Variants in MYBPC2 observed in about 807,000 individuals in gnomAD.
The protein encoded by MYBPC2 is myosin-binding protein C, fast-type.
Under a neutral mutation model 137.0 loss-of-function variants are expected in MYBPC2, and 122 were observed. That is an observed-to-expected ratio of 0.89 (90% CI 0.77 to 1.03). The LOEUF (loss-of-function observed/expected upper bound fraction) is 1.03, where lower values mean the gene tolerates loss of function less well. Ranked by LOEUF, MYBPC2 falls within the 50% of genes least tolerant of loss-of-function variation. MYBPC2 has a pLI of 0.00. For synonymous variants in MYBPC2, 626 were observed against 612.3 expected, an observed-to-expected ratio of 1.02 and a Z score of -0.33; for missense variants, 1,500 against 1,534.4, an observed-to-expected ratio of 0.98 and a Z score of 0.37.
intron 9 of MYBPC2, among the ~76,000 whole-genome samples, chr19:50,443,177 AGCTGGGTAT>A (rs2122587273): frequency 6.6e-6 from 1 of 152,214 alleles, no homozygotes; most frequent in African/African-American, 2.4e-5. Flanking sequence ...AAAAAAAATT[AGCTGGGTAT>A]GGTGGTGTGC....
chr19:50,449,262 C>G (rs116747830), intron 13 of MYBPC2, among the ~76,000 whole-genome samples: 2,020 of 152,242 alleles, frequency 0.013, 40 homozygotes, highest in African/African-American at 0.046. Flanking sequence ...TCCAGGATGG[C>G]CTCGTTCTTA....
chr19:50,449,182 C>CTAAA lies in MYBPC2; in HGVS notation c.1472+810_1472+813dup, dbSNP rs201130481. Reference sequence around the variant, plus strand: ...TGGGCAACATAGTGAGACACTCTCTCTAAATAAATAAATAAATAAATTAGG... The same window carrying CTAAA: ...TGGGCAACATAGTGAGACACTCTCTCTAAATAAATAAATAAATAAATAAATTAGG... On this transcript the variant is annotated intron_variant, in intron 13 of 27. Coordinates refer to ENST00000357701, the MANE Select transcript of MYBPC2 (RefSeq NM_004533.4). 4.7e-3 allele frequency among the ~76,000 whole-genome samples: 715 copies of CTAAA among 152,174 alleles called. 5 individuals are homozygous for CTAAA. Among genetic ancestry groups the CTAAA allele is most frequent in the African/African-American group, 0.016 (646 of 41,506 alleles).
intron 4 of MYBPC2, 58 bp downstream of exon 4, chr19:50,436,218 G>A: frequency 1.3e-6 from 2 of 1,536,218 alleles, no homozygotes; most frequent in Non-Finnish European, 1.8e-6. Context: ...TGCAGGACAT[G>A]CTCCTCAGAA....
intron 16 of MYBPC2, among the ~76,000 whole-genome samples, chr19:50,453,131 T>A (rs888016901): frequency 6.6e-6 from 1 of 152,176 alleles, no homozygotes; most frequent in African/African-American, 2.4e-5. Context: ...TATTTATTTT[T>A]AAATTTGAGA....
In MYBPC2 at chr19:50,451,327, C is replaced by A; in HGVS notation, c.1609+18C>A. Reference sequence around the variant, plus strand: ...CAAGCAAGGTGAGCACCACGGGCTGCGCTGGGAGCGGGTCTGAGGGAGGAG... The same window carrying A: ...CAAGCAAGGTGAGCACCACGGGCTGAGCTGGGAGCGGGTCTGAGGGAGGAG... On this transcript the variant is annotated intron_variant, in intron 15 of 27. Transcript: ENST00000357701. The A allele has an allele frequency of 6.2e-7, 1 of 1,611,968 alleles. No homozygotes were observed. Among genetic ancestry groups the A allele is most frequent in the Non-Finnish European group, 8.5e-7 (1 of 1,179,472 alleles).
In MYBPC2 at chr19:50,459,170, C is replaced by T. The variant is rs758926411; in HGVS notation, c.2655C>T (p.Arg885=). Residue 885 remains arginine, a synonymous_variant, in exon 23 of 28, where the codon CGC becomes CGT. Coordinates refer to ENST00000357701, the MANE Select transcript of MYBPC2 (RefSeq NM_004533.4). ...TKGGAPLDTS[R]VHVRTSDFDT... ...GCGGGGCCCCGCTGGACACCTCCCG[C>T]GTGCACGTGCGGACCAGCGACTTCG... The T allele has an allele frequency of 1.9e-6, 3 of 1,604,372 alleles. No individual in the cohort carries two copies. The highest frequency in any genetic ancestry group is 1.1e-5 in the South Asian group (1 of 89,584).
chr19:50,443,458 T>C, intron 9 of MYBPC2, 36 bp from the exon 10 acceptor site: 1 of 1,607,100 alleles, frequency 6.2e-7, no homozygotes, highest in South Asian at 1.1e-5. Flanking sequence ...AGGTGGATGC[T>C]CCACGCCCTG....
At chr19:50,440,330 A>ATAAT (rs1460031346) in intron 7 of MYBPC2, among the ~76,000 whole-genome samples, 6 of 143,236 alleles carry the variant, frequency 4.2e-5, no homozygotes, top group Non-Finnish European at 8.9e-5. Context: ...AATAAAATAA[A>ATAAT]TAAATAAATA....
chr19:50,455,030 T>C, intron 18 of MYBPC2, 78 bp from the exon 19 acceptor site: 1 of 1,371,762 alleles, frequency 7.3e-7, no homozygotes, highest in Non-Finnish European at 9.9e-7. Flanking sequence ...ATCCTCTGGA[T>C]GTGGCCCTCA....
chr19:50,466,067 TA>T lies in MYBPC2; in HGVS notation c.3416-127del. 3 of 1,334,090 alleles carry T rather than the reference TA, an allele frequency of 2.2e-6. No individual in the cohort carries two copies. The highest frequency in any genetic ancestry group is 3.1e-6 in the Non-Finnish European group (3 of 962,262). The allele number at this position is 1,334,090 out of a possible 1,614,324, so 82.6% of individuals were successfully genotyped here. A position where few individuals can be genotyped will look rare whatever the true frequency, so the allele number is the denominator to read the frequency against. ...TCTGGGTTGTCCAGCCACAGTGGCC[TA>T]GGATGGGGCGGGATGGTGACCGTCA... On this transcript the variant is annotated intron_variant, in intron 27 of 27. Coordinates refer to ENST00000357701, the MANE Select transcript of MYBPC2 (RefSeq NM_004533.4). This position sits in a 1 kb window ranked among gnomAD's most constrained non-coding sequence, Gnocchi z 4.9.
At chr19:50,456,295 T>A (rs573134853) in intron 20 of MYBPC2, among the ~76,000 whole-genome samples, 12 of 106,284 alleles carry the variant, frequency 1.1e-4, no homozygotes, top group African/African-American at 3.3e-4. Context: ...CTGTCCATCA[T>A]CCATCCATCC....
At chr19:50,464,270 C>CT in intron 26 of MYBPC2, 76 bp from the exon 27 acceptor site, 1 of 1,383,894 alleles carries the variant, frequency 7.2e-7, no homozygotes, top group Non-Finnish European at 9.8e-7. Flanking sequence ...CCCAGATCGG[C>CT]TTCCTGAGCC....
chr19:50,444,075 A>G (rs1415091790), intron 11 of MYBPC2, among the ~76,000 whole-genome samples: 1 of 152,116 alleles, frequency 6.6e-6, no homozygotes, highest in Non-Finnish European at 1.5e-5. Context: ...ATATTCATTC[A>G]TCTGACCAAT....
At chr19:50,462,643 G>T (rs1027683363) in intron 26 of MYBPC2, among the ~76,000 whole-genome samples, 1 of 151,538 alleles carries the variant, frequency 6.6e-6, no homozygotes, top group African/African-American at 2.4e-5. Flanking sequence ...GCAGTGGTGC[G>T]ATCTTGGCTC....
chr19:50,456,647 A>G (rs2039917401), intron 20 of MYBPC2, among the ~76,000 whole-genome samples: 1 of 151,732 alleles, frequency 6.6e-6, no homozygotes, highest in Non-Finnish European at 1.5e-5. Flanking sequence ...TGTGTTAGCC[A>G]GGATGGTCTT....
intron 24 of MYBPC2, 37 bp from the exon 25 acceptor site, chr19:50,461,505 C>A: frequency 6.2e-7 from 1 of 1,601,872 alleles, no homozygotes. Context: ...GATCCTGTGG[C>A]CCCGACCCGC....
chr19:50,434,059 A>G (rs1295552053), intron 1 of MYBPC2, among the ~76,000 whole-genome samples: 1 of 148,942 alleles, frequency 6.7e-6, no homozygotes, highest in Non-Finnish European at 1.5e-5. Context: ...AAAACAAGCA[A>G]CAGCAACAAC....
intron 18 of MYBPC2, 90 bp from the exon 19 acceptor site, chr19:50,455,018 C>G: frequency 1.6e-6 from 2 of 1,282,204 alleles, no homozygotes. Context: ...CCTGGCCATG[C>G]GATCCTCTGG....
At chr19:50,438,814 C>T (rs1394368824) in intron 7 of MYBPC2, among the ~76,000 whole-genome samples, 2 of 151,978 alleles carry the variant, frequency 1.3e-5, no homozygotes, top group Admixed American at 6.6e-5. Flanking sequence ...TGCAGTGAGC[C>T]ATGATCGCGC....
Sources: gnomAD v4.1 joint callset for allele counts (sites outside exome capture counted in the v4.1 genomes callset) on GRCh38, gnomAD v4.1.1 for gene constraint, Gnocchi (gnomAD v3.1) non-coding constraint, MANE v1.5 for transcripts, NCBI Gene and HGNC (gene_info 2026-07-23, HGNC 2026-07-21) for gene names.